Variants in LBH observed in about 807,000 individuals in gnomAD.
LBH encodes LBH regulator of Wnt signaling pathway.
Under a neutral mutation model 12.5 loss-of-function variants are expected in LBH, and 7 were observed. That is an observed-to-expected ratio of 0.56 (90% CI 0.32 to 1.05). LBH has a LOEUF of 1.05. Among genes scored for constraint, LBH ranks in the 50% least tolerant of loss-of-function variants. The pLI is 0.04. For missense variants in LBH, 119 were observed against 138.9 expected (o/e 0.86, Z 0.72); for synonymous variants, 51 against 50.1 (o/e 1.02, Z -0.08).
intron 2 of LBH, among the ~76,000 whole-genome samples, chr2:30,251,577 G>A (rs187714891): frequency 6.6e-6 from 1 of 150,690 alleles, no homozygotes; most frequent in Non-Finnish European, 1.5e-5. Context: ...TGAAGTGGGA[G>A]GATCACTTGA....
intron 2 of LBH, among the ~76,000 whole-genome samples, chr2:30,255,261 G>T (rs1186223858): frequency 6.6e-6 from 1 of 151,896 alleles, no homozygotes; most frequent in Non-Finnish European, 1.5e-5. Flanking sequence ...CCCCACCCAA[G>T]AAATGAGGAC....
At chr2:30,235,760 T>G (rs1324888810) in intron 2 of LBH, among the ~76,000 whole-genome samples, 1 of 151,282 alleles carries the variant, frequency 6.6e-6, no homozygotes, top group Non-Finnish European at 1.5e-5. Flanking sequence ...AGTAATCAGA[T>G]AGAACCAAGC....
At chr2:30,256,087 G>A (rs531969123) in intron 2 of LBH, among the ~76,000 whole-genome samples, 1 of 152,334 alleles carries the variant, frequency 6.6e-6, no homozygotes, top group East Asian at 1.9e-4. Context: ...ACTGAGGGCT[G>A]TGAATGGCAG....
chr2:30,234,587 T>C (rs1163190003), intron 2 of LBH, 80 bp downstream of exon 2: 7 of 967,696 alleles, frequency 7.2e-6, no homozygotes, highest in Non-Finnish European at 1.2e-5. Context: ...TGGTTTTGCA[T>C]CCCAGTGCCA....
chr2:30,251,747 A>G (rs966122948), intron 2 of LBH, among the ~76,000 whole-genome samples: 1 of 151,942 alleles, frequency 6.6e-6, no homozygotes, highest in Non-Finnish European at 1.5e-5. Flanking sequence ...ACAGAAATTT[A>G]TATGTGATAT....
chr2:30,237,994 C>A (rs1049499494), intron 2 of LBH, among the ~76,000 whole-genome samples: 7 of 152,178 alleles, frequency 4.6e-5, no homozygotes, highest in Admixed American at 3.9e-4. Context: ...TTCCATCCAG[C>A]CTGTGGAACA....
chr2:30,233,476 C>T (rs4245769), intron 1 of LBH, among the ~76,000 whole-genome samples: 59,922 of 152,114 alleles, frequency 0.39, 12,014 homozygotes, highest in East Asian at 0.52. Context: ...AAAAGACTCC[C>T]CCATATTTTT....
At position 30,257,649 on chromosome 2, in the gene LBH, C is replaced by T. The variant is rs1678109443; in HGVS notation, c.*28C>T. On this transcript the variant is annotated 3_prime_UTR_variant, in exon 3 of 3. Transcript: ENST00000395323. Reference sequence around the variant, plus strand: ...TCCCTGTGGACTCCCATGGGTCATACCAGCCAGCATCTGTTCCTGAACTGT... The same window carrying T: ...TCCCTGTGGACTCCCATGGGTCATATCAGCCAGCATCTGTTCCTGAACTGT... 2 of 1,513,794 alleles carry T rather than the reference C, an allele frequency of 1.3e-6. No individual in the cohort carries two copies. Among genetic ancestry groups the T allele is most frequent in the African/African-American group, 1.4e-5 (1 of 72,206 alleles). 93.8% of individuals were successfully genotyped at this position (1,513,794 alleles called of 1,614,324 possible). A position where few individuals can be genotyped will look rare whatever the true frequency, so the allele number is the denominator to read the frequency against.
chr2:30,249,604 CAG>C (rs997550441), intron 2 of LBH, among the ~76,000 whole-genome samples: 56 of 152,302 alleles, frequency 3.7e-4, no homozygotes, highest in Middle Eastern at 3.4e-3. Flanking sequence ...CCTGGGGAAA[CAG>C]AGCCACAGGG....
intron 2 of LBH, among the ~76,000 whole-genome samples, chr2:30,252,817 G>A (rs1678008295): frequency 6.6e-6 from 1 of 152,244 alleles, no homozygotes; most frequent in South Asian, 2.1e-4. Flanking sequence ...GGAGTCCAGG[G>A]CTGGCAGAGG....
chr2:30,254,968 A>G (rs774460131), intron 2 of LBH, among the ~76,000 whole-genome samples: 2 of 152,222 alleles, frequency 1.3e-5, no homozygotes, highest in South Asian at 2.1e-4. Flanking sequence ...TCAGTTTTCC[A>G]TCTGTGAAAT....
chr2:30,242,401 G>A (rs1293330992), intron 2 of LBH, among the ~76,000 whole-genome samples: 1 of 152,070 alleles, frequency 6.6e-6, no homozygotes, highest in Non-Finnish European at 1.5e-5. Flanking sequence ...GTGCCACCAT[G>A]CCTGGCTGGT....
intron 2 of LBH, among the ~76,000 whole-genome samples, chr2:30,249,388 T>C (rs747801814): frequency 6.6e-6 from 1 of 152,142 alleles, no homozygotes; most frequent in Non-Finnish European, 1.5e-5. Flanking sequence ...CCCATTGTTA[T>C]AAGCCAGCCC....
chr2:30,232,040 G>T, intron 1 of LBH: 1 of 1,370,444 alleles, frequency 7.3e-7, no homozygotes, highest in Non-Finnish European at 9.7e-7. Flanking sequence ...GGAGCCAGGG[G>T]TCACGTGTGA....
chr2:30,251,445 G>C lies in LBH; in HGVS notation c.130-5988G>C, dbSNP rs142570539. ...TCATTTGAGTTCCCAAAATGCCACG[G>C]CCTGTTGGGACTGGAGGCCACCAGG... On this transcript the variant is annotated intron_variant, in intron 2 of 2. Transcript: ENST00000395323. Among the ~76,000 whole-genome samples, 57 of 152,024 alleles carry C rather than the reference G, an allele frequency of 3.7e-4. No individual in the cohort carries two copies. In the East Asian group the frequency reaches 0.011, roughly 29 times the overall value.
intron 2 of LBH, among the ~76,000 whole-genome samples, chr2:30,240,100 G>C (rs2103557764): frequency 6.6e-6 from 1 of 152,348 alleles, no homozygotes; most frequent in South Asian, 2.1e-4. Context: ...TGCTGAGCCA[G>C]GGGCTGTGTC....
At chr2:30,252,011 G>A (rs1030784197) in intron 2 of LBH, among the ~76,000 whole-genome samples, 3 of 152,318 alleles carry the variant, frequency 2.0e-5, no homozygotes, top group Admixed American at 1.3e-4. Flanking sequence ...GATTCATGGT[G>A]TGTGTAAATG....
intron 2 of LBH, among the ~76,000 whole-genome samples, chr2:30,256,070 G>T (rs1352408810): frequency 6.6e-6 from 1 of 152,204 alleles, no homozygotes; most frequent in African/African-American, 2.4e-5. Flanking sequence ...TAGCTCTGGG[G>T]TGTGTCACTG....
rs1026977158 is a variant in LBH at position 30,231,538 on chromosome 2, A to G, written c.-201A>G. 3.4e-6 allele frequency: 2 copies of G among 580,574 alleles called. No individual in the cohort carries two copies. Among genetic ancestry groups the G allele is most frequent in the East Asian group, 3.6e-5 (1 of 27,614 alleles). The allele number at this position is 580,574 out of a possible 1,614,324, so 36.0% of individuals were successfully genotyped here. A position where few individuals can be genotyped will look rare whatever the true frequency, so the allele number is the denominator to read the frequency against. ...GCTTCCCGGGCTCTTTGTGGGGCTGAGTGCTCAGTGGAGAGCGGGGAGTTG... is the reference window on the plus strand; with the variant it reads ...GCTTCCCGGGCTCTTTGTGGGGCTGGGTGCTCAGTGGAGAGCGGGGAGTTG... On this transcript the variant is annotated 5_prime_UTR_variant, in exon 1 of 3. Transcript: ENST00000395323.
Sources: gnomAD v4.1 joint callset for allele counts (sites outside exome capture counted in the v4.1 genomes callset) on GRCh38, gnomAD v4.1.1 for gene constraint, MANE v1.5 for transcripts, NCBI Gene and HGNC (gene_info 2026-07-23, HGNC 2026-07-21) for gene names.